SOX6: variants seen among roughly 807,000 people sequenced by gnomAD.
SOX6 encodes SRY-box transcription factor 6, also known as transcription factor SOX-6.
SOX6 carries 11 observed loss-of-function variants against 97.8 expected under a neutral mutation model. The observed-to-expected ratio is 0.11, with a 90% confidence interval of 0.07 to 0.19. The LOEUF (loss-of-function observed/expected upper bound fraction) is 0.19, where lower values mean the gene tolerates loss of function less well. Among genes scored for constraint, SOX6 ranks in the 10% least tolerant of loss-of-function variants. The pLI is 1.00. For missense variants in SOX6, 810 were observed against 1,039.5 expected, an observed-to-expected ratio of 0.78 and a Z score of 3.04; for synonymous variants, 360 against 371.4, an observed-to-expected ratio of 0.97 and a Z score of 0.35.
At chr11:16,038,722 G>C (rs1257099007) in intron 12 of SOX6, among the ~76,000 whole-genome samples, 1 of 151,946 alleles carries the variant, frequency 6.6e-6, no homozygotes, top group African/African-American at 2.4e-5. Context: ...AATACAAATG[G>C]AATGAAATTG....
intron 4 of SOX6, among the ~76,000 whole-genome samples, chr11:16,548,879 T>C (rs1302468616): frequency 6.6e-6 from 1 of 152,134 alleles, no homozygotes; most frequent in East Asian, 1.9e-4. Context: ...TGAGGTAATT[T>C]GATTTAGCCA....
At chr11:16,409,908 A>G (rs918826827) in intron 1 of SOX6, among the ~76,000 whole-genome samples, 1 of 152,130 alleles carries the variant, frequency 6.6e-6, no homozygotes, top group Non-Finnish European at 1.5e-5. Flanking sequence ...AGGCCCAAAT[A>G]TATAGAAAAC....
chr11:15,972,454 T>C lies in SOX6; in HGVS notation c.*355A>G. The stretch of plus-strand genomic sequence containing the variant: ...CTGAGTGAGAATGTTTAACCCCATC[T>C]AAAACAGTAACTTAAACCTTTATCA... On this transcript the variant is annotated 3_prime_UTR_variant, in exon 16 of 16. Coordinates refer to ENST00000683767, the MANE Select transcript of SOX6 (RefSeq NM_001367873.1). The C allele has an allele frequency of 3.4e-6, 1 of 293,774 alleles. No individual in the cohort carries two copies. The highest frequency in any genetic ancestry group is 6.5e-6 in the Non-Finnish European group (1 of 152,674). 18.2% of individuals were successfully genotyped at this position (293,774 alleles called of 1,614,324 possible). A position where few individuals can be genotyped will look rare whatever the true frequency, so the allele number is the denominator to read the frequency against.
intron 4 of SOX6, among the ~76,000 whole-genome samples, chr11:16,217,563 A>T (rs1852410498): frequency 6.6e-6 from 1 of 152,178 alleles, no homozygotes; most frequent in African/African-American, 2.4e-5. Context: ...AAAGATGTAC[A>T]GAAGATTTCT....
chr11:16,329,449 ATCTAGCAC>A (rs1186131163), intron 2 of SOX6, among the ~76,000 whole-genome samples: 1 of 152,170 alleles, frequency 6.6e-6, no homozygotes, highest in Non-Finnish European at 1.5e-5. Context: ...GTTCAATCCC[ATCTAGCAC>A]TTGAATTCCC....
At chr11:16,228,312 A>C in intron 4 of SOX6, among the ~76,000 whole-genome samples, 1 of 152,278 alleles carries the variant, frequency 6.6e-6, no homozygotes, top group South Asian at 2.1e-4. Context: ...TTAATAATAA[A>C]GTTATTTTGT....
chr11:16,645,263 G>T (rs927506487), intron 3 of SOX6, among the ~76,000 whole-genome samples: 3 of 152,038 alleles, frequency 2.0e-5, no homozygotes, highest in Admixed American at 2.0e-4. Context: ...TGCACAAATC[G>T]CAAGTTCACT....
intron 12 of SOX6, among the ~76,000 whole-genome samples, chr11:16,029,255 A>G (rs1046616736): frequency 6.6e-6 from 1 of 152,220 alleles, no homozygotes; most frequent in Non-Finnish European, 1.5e-5. Context: ...CAGCTTGAAT[A>G]ACAGCACTTC....
chr11:16,043,783 C>T (rs1480027973), intron 12 of SOX6, among the ~76,000 whole-genome samples: 2 of 152,174 alleles, frequency 1.3e-5, no homozygotes, highest in Non-Finnish European at 2.9e-5. Flanking sequence ...GCTGGAAATG[C>T]TGTTGGTAGC....
chr11:16,291,611 A>G (rs1180743432), intron 3 of SOX6, among the ~76,000 whole-genome samples: 1 of 152,008 alleles, frequency 6.6e-6, no homozygotes, highest in Non-Finnish European at 1.5e-5. Flanking sequence ...CCACAAAGTT[A>G]AGAGGCAAAA....
chr11:16,076,577 GA>G (rs1473826409), intron 9 of SOX6, among the ~76,000 whole-genome samples: 1 of 151,904 alleles, frequency 6.6e-6, no homozygotes, highest in East Asian at 1.9e-4. Flanking sequence ...AATCTATGAA[GA>G]AAAAAGTTTT....
intron 7 of SOX6, among the ~76,000 whole-genome samples, chr11:16,099,299 G>A (rs990852730): frequency 6.6e-6 from 1 of 151,670 alleles, no homozygotes; most frequent in Non-Finnish European, 1.5e-5. Context: ...GTCACTTTAT[G>A]CTTAAACAAT....
chr11:16,629,811 G>A (rs950823475), intron 3 of SOX6, among the ~76,000 whole-genome samples: 1 of 151,970 alleles, frequency 6.6e-6, no homozygotes, highest in Non-Finnish European at 1.5e-5. Flanking sequence ...CAGTTGCTTC[G>A]TTATTCAATC....
chr11:16,192,270 T>G (rs945803512), intron 4 of SOX6, among the ~76,000 whole-genome samples: 10 of 152,352 alleles, frequency 6.6e-5, no homozygotes, highest in African/African-American at 1.9e-4. Context: ...CATTCACTAC[T>G]GATTTTATTA....
At chr11:16,229,474 A>C (rs1019757934) in intron 4 of SOX6, among the ~76,000 whole-genome samples, 4 of 152,080 alleles carry the variant, frequency 2.6e-5, no homozygotes, top group African/African-American at 7.2e-5. Flanking sequence ...AGCAGAATTG[A>C]CAAATCCAAA....
intron 4 of SOX6, among the ~76,000 whole-genome samples, chr11:16,493,577 A>T (rs1373033174): frequency 6.6e-6 from 1 of 152,178 alleles, no homozygotes. Context: ...AGTTACACAG[A>T]TATTCATTTT....
chr11:16,348,259 T>C, intron 1 of SOX6, among the ~76,000 whole-genome samples: 1 of 152,142 alleles, frequency 6.6e-6, no homozygotes, highest in East Asian at 1.9e-4. Context: ...CCAGGAGCTC[T>C]TAGTACTGTG....
chr11:16,283,812 A>G, intron 3 of SOX6: 2 of 340,462 alleles, frequency 5.9e-6, no homozygotes, highest in Non-Finnish European at 1.1e-5. Flanking sequence ...AATGTTCGAT[A>G]ATTTCAGTTA....
intron 11 of SOX6, among the ~76,000 whole-genome samples, chr11:16,047,831 T>C (rs1855883137): frequency 6.6e-6 from 1 of 152,038 alleles, no homozygotes; most frequent in South Asian, 2.1e-4. Context: ...CATGTGCATA[T>C]GCATTTGAGT....
Sources: allele counts gnomAD v4.1 joint callset (sites outside exome capture counted in the v4.1 genomes callset), GRCh38; gene constraint gnomAD v4.1.1; transcripts MANE v1.5; gene names NCBI Gene and HGNC (gene_info 2026-07-23, HGNC 2026-07-21).